Variants in FBXW7 observed in about 807,000 individuals in gnomAD.
FBXW7 encodes F-box/WD repeat-containing protein 7.
A neutral mutation model predicts 86.3 loss-of-function variants in FBXW7; 11 were observed. The ratio of observed to expected loss-of-function variants is 0.13; its 90% CI spans 0.08 to 0.21. The LOEUF is 0.21. Among genes scored for constraint, FBXW7 ranks in the 10% least tolerant of loss-of-function variants. The pLI is 1.00. For synonymous variants in FBXW7, 313 were observed against 297.9 expected, an observed-to-expected ratio of 1.05 and a Z score of -0.52; for missense variants, 488 against 847.4, an observed-to-expected ratio of 0.58 and a Z score of 5.27.
intron 6 of FBXW7, among the ~76,000 whole-genome samples, chr4:152,340,022 C>G (rs1730565415): frequency 6.7e-6 from 1 of 148,596 alleles, no homozygotes; most frequent in African/African-American, 2.5e-5. Context: ...AACAGATGAA[C>G]AGATGATAAA....
chr4:152,451,453 A>G (rs1741899958), intron 2 of FBXW7, among the ~76,000 whole-genome samples: 1 of 152,170 alleles, frequency 6.6e-6, no homozygotes, highest in African/African-American at 2.4e-5. Context: ...GCTCAAATTT[A>G]TTTGCATAAA....
chr4:152,440,879 A>G (rs1000468718), intron 2 of FBXW7, among the ~76,000 whole-genome samples: 6 of 151,772 alleles, frequency 4.0e-5, no homozygotes, highest in Admixed American at 3.3e-4. Flanking sequence ...TTCAGGTTCA[A>G]TACTGTAACA....
At chr4:152,484,853 T>C (rs1745205939) in intron 2 of FBXW7, among the ~76,000 whole-genome samples, 1 of 151,806 alleles carries the variant, frequency 6.6e-6, no homozygotes, top group South Asian at 2.1e-4. Context: ...TCCCAGCTAC[T>C]TGGGAAGCTG....
intron 2 of FBXW7, among the ~76,000 whole-genome samples, chr4:152,465,947 A>G (rs980837720): frequency 9.2e-5 from 14 of 152,188 alleles, no homozygotes; most frequent in African/African-American, 2.9e-4. Flanking sequence ...CAAGAATATC[A>G]GTGATCCTAG....
chr4:152,384,877 C>T (rs1232157549), intron 4 of FBXW7, among the ~76,000 whole-genome samples: 1 of 151,876 alleles, frequency 6.6e-6, no homozygotes, highest in Non-Finnish European at 1.5e-5. Flanking sequence ...ATGTCTACAG[C>T]CCTATGAGAC....
chr4:152,411,208 A>G (rs554598399), intron 4 of FBXW7, 95 bp downstream of exon 4: 1 of 1,392,572 alleles, frequency 7.2e-7, no homozygotes, highest in East Asian at 2.5e-5. Context: ...CTTAAGATTA[A>G]TTTTTAGTAA....
At chr4:152,464,759 A>G (rs1743254465) in intron 2 of FBXW7, among the ~76,000 whole-genome samples, 2 of 152,246 alleles carry the variant, frequency 1.3e-5, no homozygotes, top group Admixed American at 1.3e-4. Flanking sequence ...ATTCAAAATA[A>G]TAAAGTCAAG....
intron 7 of FBXW7, among the ~76,000 whole-genome samples, chr4:152,333,812 G>A (rs941930161): frequency 6.6e-6 from 1 of 152,036 alleles, no homozygotes; most frequent in African/African-American, 2.4e-5. Context: ...CCAGCACTTT[G>A]GGAGGCCGAG....
intron 2 of FBXW7, among the ~76,000 whole-genome samples, chr4:152,413,049 C>T (rs1423381844): frequency 6.6e-6 from 1 of 151,976 alleles, no homozygotes; most frequent in Admixed American, 6.6e-5. Context: ...ACATGTTGTG[C>T]ACACACAAGA....
At chr4:152,338,681 G>A (rs1052974902) in intron 6 of FBXW7, among the ~76,000 whole-genome samples, 1 of 152,010 alleles carries the variant, frequency 6.6e-6, no homozygotes, top group Non-Finnish European at 1.5e-5. Flanking sequence ...TCCCAGTGAA[G>A]AACACCTGCA....
rs2126474793 is a variant in FBXW7 at position 152,324,168 on chromosome 4, G to A, written c.1855+16C>T. 2 of 1,596,712 alleles carry A rather than the reference G, an allele frequency of 1.3e-6. No individual in the cohort carries two copies. The highest frequency in any genetic ancestry group is 1.7e-6 in the Non-Finnish European group (2 of 1,166,950). ...CTCATTTTTAATGAACAAAACGAAA[G>A]GTGAGTAAGACTTACCTTGCAATGT... On this transcript the variant is annotated intron_variant, in intron 13 of 13. Coordinates refer to ENST00000281708, the MANE Select transcript of FBXW7 (RefSeq NM_001349798.2).
At chr4:152,404,325 T>C (rs1037378828) in intron 4 of FBXW7, among the ~76,000 whole-genome samples, 1 of 152,340 alleles carries the variant, frequency 6.6e-6, no homozygotes, top group East Asian at 1.9e-4. Flanking sequence ...TAAAGAGGCA[T>C]ATATGCTTGT....
At chr4:152,513,960 G>T (rs1748226699) in intron 2 of FBXW7, among the ~76,000 whole-genome samples, 1 of 152,142 alleles carries the variant, frequency 6.6e-6, no homozygotes, top group African/African-American at 2.4e-5. Flanking sequence ...CAGATGTCTT[G>T]TAAGTATAAA....
intron 2 of FBXW7, among the ~76,000 whole-genome samples, chr4:152,512,524 G>A (rs781476851): frequency 2.0e-5 from 3 of 152,066 alleles, no homozygotes; most frequent in African/African-American, 7.2e-5. Flanking sequence ...ATAAAATGTG[G>A]TACCCTCCAT....
chr4:152,384,646 G>A (rs1735377816), intron 4 of FBXW7, among the ~76,000 whole-genome samples: 1 of 151,932 alleles, frequency 6.6e-6, no homozygotes. Context: ...CCACTGAATT[G>A]TATACTTAAA....
intron 2 of FBXW7, among the ~76,000 whole-genome samples, chr4:152,486,247 A>C (rs764706766): frequency 2.6e-5 from 4 of 152,146 alleles, no homozygotes; most frequent in African/African-American, 7.2e-5. Context: ...GTTACTGCAC[A>C]CGGCTGTAGG....
intron 2 of FBXW7, among the ~76,000 whole-genome samples, chr4:152,477,913 ACT>A (rs1308268336): frequency 2.0e-5 from 3 of 151,962 alleles, no homozygotes; most frequent in Non-Finnish European, 4.4e-5. Flanking sequence ...CTTTACTGAT[ACT>A]CTTTTTCATT....
chr4:152,422,508 T>C (rs978636217), intron 2 of FBXW7, among the ~76,000 whole-genome samples: 7 of 152,294 alleles, frequency 4.6e-5, no homozygotes, highest in Admixed American at 6.5e-5. Flanking sequence ...ATGAAAATGA[T>C]TGCTGAAGAT....
At chr4:152,426,353 C>CT (rs112116648) in intron 2 of FBXW7, among the ~76,000 whole-genome samples, 2,428 of 143,170 alleles carry the variant, frequency 0.017, 72 homozygotes, top group African/African-American at 0.056. Context: ...TGGCTACAAA[C>CT]TTTTTTTTTT....
Sources: allele counts gnomAD v4.1 joint callset (sites outside exome capture counted in the v4.1 genomes callset), GRCh38; gene constraint gnomAD v4.1.1; transcripts MANE v1.5; gene names NCBI Gene and HGNC (gene_info 2026-07-23, HGNC 2026-07-21).